FLOT2: variants seen among roughly 807,000 people sequenced by gnomAD.
FLOT2 encodes the protein flotillin-2.
FLOT2 carries 35 observed loss-of-function variants against 54.9 expected under a neutral mutation model. That is an observed-to-expected ratio of 0.64 (90% CI 0.49 to 0.84). The LOEUF (loss-of-function observed/expected upper bound fraction) is 0.84. FLOT2 is among the 40% of genes least tolerant of loss of function. The pLI, the probability that FLOT2 is intolerant of heterozygous loss-of-function variation, is 0.00. For missense variants in FLOT2, 464 were observed against 572.1 expected, an observed-to-expected ratio of 0.81 and a Z score of 1.93; for synonymous variants, 207 against 228.9, an observed-to-expected ratio of 0.90 and a Z score of 0.86.
Position 28,884,424 on chromosome 17 carries a change from G to T in FLOT2, c.132-109C>A. The T allele has an allele frequency of 1.5e-6, 1 of 678,774 alleles. No homozygotes were observed. The allele number at this position is 678,774 out of a possible 1,614,324, so 42.0% of individuals were successfully genotyped here. ...CCGGCTGGGTCCTGGTGAGGAAGGT[G>T]GAGGGAGGACTCTCCACGGGGCTGA... On this transcript the variant is annotated intron_variant, in intron 2 of 10. Coordinates refer to ENST00000394908, the MANE Select transcript of FLOT2 (RefSeq NM_004475.3). This position sits in a 1 kb window ranked among gnomAD's most constrained non-coding sequence, Gnocchi z 5.1.
At chr17:28,889,852 C>G (rs2039614769) in intron 1 of FLOT2, among the ~76,000 whole-genome samples, 1 of 152,080 alleles carries the variant, frequency 6.6e-6, no homozygotes, top group Non-Finnish European at 1.5e-5. Context: ...GTTGGCCAGG[C>G]TGGTCTCGAA....
intron 2 of FLOT2, among the ~76,000 whole-genome samples, 185 bp downstream of exon 2, chr17:28,888,760 C>A (rs2039592317): frequency 6.6e-6 from 1 of 152,182 alleles, no homozygotes; most frequent in African/African-American, 2.4e-5. Context: ...GTCTCCTGCA[C>A]CCCTGTGCAA....
At chr17:28,880,915 C>A in intron 9 of FLOT2, 53 bp from the exon 10 acceptor site, 1 of 1,601,186 alleles carries the variant, frequency 6.2e-7, no homozygotes. Flanking sequence ...CTGTTCTCAG[C>A]CCGGTCCAGC....
rs2039410560 is a variant in FLOT2 at position 28,879,346 on chromosome 17, T to TA, written c.*1214dup. On this transcript the variant is annotated 3_prime_UTR_variant, in exon 11 of 11. Coordinates refer to ENST00000394908, the MANE Select transcript of FLOT2 (RefSeq NM_004475.3). ...GAAGACACAATGCAGGGGTGGGCAT[T>TA]AAGAGTTCTTTATTTTACCAGAAGG... 2 of 987,858 alleles carry TA rather than the reference T, an allele frequency of 2.0e-6. No homozygotes were observed. The highest frequency in any genetic ancestry group is 9.4e-5 in the South Asian group (2 of 21,376). 61.2% of individuals were successfully genotyped at this position (987,858 alleles called of 1,614,324 possible).
Position 28,883,074 on chromosome 17 carries a change from C to G in FLOT2, c.346+34G>C. The G allele has an allele frequency of 1.9e-6, 3 of 1,610,880 alleles. No homozygotes were observed. Among genetic ancestry groups the G allele is most frequent in the Non-Finnish European group, 2.5e-6 (3 of 1,177,586 alleles). ...CCTCCCTGCCTTGGCTTAGGGGCCCCGTGAGGCTCCTCAAAGGCTGAACAG... is the reference window on the plus strand; with the variant it reads ...CCTCCCTGCCTTGGCTTAGGGGCCCGGTGAGGCTCCTCAAAGGCTGAACAG... On this transcript the variant is annotated intron_variant, in intron 4 of 10. Transcript: ENST00000394908. This position sits in a 1 kb window ranked among gnomAD's most constrained non-coding sequence, Gnocchi z 5.0.
chr17:28,880,667 C>G (rs371925989), intron 10 of FLOT2, 46 bp downstream of exon 10: 1 of 1,613,746 alleles, frequency 6.2e-7, no homozygotes, highest in South Asian at 1.1e-5. Flanking sequence ...TGGGCCAGTC[C>G]GACGGGCTAC....
In FLOT2 at chr17:28,883,365, A is replaced by C; in HGVS notation, c.223-134T>G. Reference sequence around the variant, plus strand: ...AGACCTGGAGGCCCTGGGGGGCTGGAATCTGTCTGAAGCCTCTAGTGGGGA... The same window carrying C: ...AGACCTGGAGGCCCTGGGGGGCTGGCATCTGTCTGAAGCCTCTAGTGGGGA... On this transcript the variant is annotated intron_variant, in intron 3 of 10. Transcript: ENST00000394908. The surrounding 1 kb of genome is among the most constrained non-coding windows in gnomAD (Gnocchi z 5.0). 1 of 1,078,218 alleles carries C rather than the reference A, an allele frequency of 9.3e-7. No homozygotes were observed. The highest frequency in any genetic ancestry group is 1.4e-6 in the Non-Finnish European group (1 of 735,744). The allele number at this position is 1,078,218 out of a possible 1,614,324, so 66.8% of individuals were successfully genotyped here. A position where few individuals can be genotyped will look rare whatever the true frequency, so the allele number is the denominator to read the frequency against.
At position 28,880,525 on chromosome 17, in the gene FLOT2, C is replaced by CGGGT; in HGVS notation, c.*32_*35dup. 6.2e-7 allele frequency: 1 copy of CGGGT among 1,606,922 alleles called. No homozygotes were observed. The highest frequency in any genetic ancestry group is 1.1e-5 in the South Asian group (1 of 90,264). On this transcript the variant is annotated 3_prime_UTR_variant, in exon 11 of 11. Transcript: ENST00000394908. ...TTAAAACGGGTGCTGGAGGGAGGGCCGGGTGGCTGCTGAAGAGAGTGGGCC... is the reference window on the plus strand; with the variant it reads ...TTAAAACGGGTGCTGGAGGGAGGGCCGGGTGGGTGGCTGCTGAAGAGAGTGGGCC...
Position 28,897,676 on chromosome 17 carries a change from GCCGGCC to G in FLOT2, c.-108_-103del. 9.2e-7 allele frequency: 1 copy of G among 1,085,524 alleles called. No homozygotes were observed. The highest frequency in any genetic ancestry group is 1.2e-6 in the Non-Finnish European group (1 of 840,214). The allele number at this position is 1,085,524 out of a possible 1,614,324, so 67.2% of individuals were successfully genotyped here. ...CCAGCCTATCCCGCCACCCCCAGCG[GCCGGCC>G]GCCCGCTCGCTCGCCCGCGCCCCTC... On this transcript the variant is annotated 5_prime_UTR_variant, in exon 1 of 11. Coordinates refer to ENST00000394908, the MANE Select transcript of FLOT2 (RefSeq NM_004475.3). The surrounding 1 kb of genome is among the most constrained non-coding windows in gnomAD (Gnocchi z 4.4).
At position 28,880,839 on chromosome 17, in the gene FLOT2, T is replaced by A. The variant is rs773242424; in HGVS notation, c.1122A>T (p.Pro374=). The change falls in exon 10 of 11, where the codon CCA becomes CCT. Residue 374 remains proline (P), a synonymous_variant. Coordinates refer to ENST00000394908, the MANE Select transcript of FLOT2 (RefSeq NM_004475.3). ...CCACAATCTCATCGACCTTGGTAAG[T>A]GGGGCAGCGATTTTGGCAGCAATCT... ...LPQIAAKIAA[P]LTKVDEIVVL... The A allele has an allele frequency of 5.6e-6, 9 of 1,613,964 alleles. No homozygotes were observed. The South Asian group carries it at 9.9e-5, about 18-fold the overall frequency.
At chr17:28,896,403 G>A (rs561507897) in intron 1 of FLOT2, among the ~76,000 whole-genome samples, 1 of 152,286 alleles carries the variant, frequency 6.6e-6, no homozygotes, top group African/African-American at 2.4e-5. Flanking sequence ...GTCTTATGGA[G>A]GAGCAAGTCT....
intron 1 of FLOT2, among the ~76,000 whole-genome samples, chr17:28,892,105 A>C (rs1021878164): frequency 5.3e-5 from 8 of 152,114 alleles, no homozygotes; most frequent in African/African-American, 1.9e-4. Context: ...GGCTTCTCTG[A>C]CCTGGGAAGT....
At position 28,897,545 on chromosome 17, in the gene FLOT2, G is replaced by A. The variant is rs1412933817; in HGVS notation, c.30C>T (p.Asn10=). The change falls in exon 1 of 11, where the codon AAC becomes AAT. Residue 10 remains asparagine (N), a synonymous_variant. Coordinates refer to ENST00000394908, the MANE Select transcript of FLOT2 (RefSeq NM_004475.3). This position sits in a 1 kb window ranked among gnomAD's most constrained non-coding sequence, Gnocchi z 4.4. ...CCTCACCTGAAACCACCAGCGCCTC[G>A]TTGGGCCCCACCGTGTGGCAATTGC... is the stretch of plus-strand genomic sequence containing the variant. The part of the protein sequence containing the change: MGNCHTVGP[N]EALVVSGGCC... 6 of 1,605,800 alleles carry A rather than the reference G, an allele frequency of 3.7e-6. No homozygotes were observed. Among genetic ancestry groups the A allele is most frequent in the Non-Finnish European group, 5.1e-6 (6 of 1,176,576 alleles).
rs774357270 is a variant in FLOT2 at position 28,883,183 on chromosome 17, A to G, written c.271T>C (p.Phe91Leu). The G allele has an allele frequency of 1.9e-6, 3 of 1,613,858 alleles. No homozygotes were observed. The highest frequency in any genetic ancestry group is 3.3e-5 in the Admixed American group (2 of 59,988). Reference protein sequence around the residue: ...KELLAVACEQFLGKNVQDIKN... With the variant: ...KELLAVACEQLLGKNVQDIKN... ...ATGTCCTGCACATTCTTACCCAGAA[A>G]CTGCTCACAAGCCACGGCCAGGAGT... Residue 91 changes from phenylalanine to leucine, a missense_variant, in exon 4 of 11, where the codon TTT (phenylalanine) becomes CTT (leucine). By Grantham distance (22) the Phe-to-Leu change is conservative (BLOSUM62 0). Coordinates refer to ENST00000394908, the MANE Select transcript of FLOT2 (RefSeq NM_004475.3). This position sits in a 1 kb window ranked among gnomAD's most constrained non-coding sequence, Gnocchi z 5.0.
Position 28,884,270 on chromosome 17 carries a change from T to G in FLOT2, c.177A>C (p.Val59=), listed in dbSNP as rs778012620. ...TTAAAGCTACCCCCTCGGCCGTCTC[T>G]ACGTCCTCGCAGCGGGGCTGCAACG... ...IMTLQPRCED[V]ETAEGVALTV... The change falls in exon 3 of 11, where the codon GTA becomes GTC. Residue 59 remains valine (V), a synonymous_variant. Coordinates refer to ENST00000394908, the MANE Select transcript of FLOT2 (RefSeq NM_004475.3). This position sits in a 1 kb window ranked among gnomAD's most constrained non-coding sequence, Gnocchi z 5.1. 1.2e-6 allele frequency: 2 copies of G among 1,613,558 alleles called. No individual in the cohort carries two copies. Among genetic ancestry groups the G allele is most frequent in the Non-Finnish European group, 1.7e-6 (2 of 1,179,756 alleles).
In FLOT2 at chr17:28,883,282, A is replaced by T; in HGVS notation, c.223-51T>A. On this transcript the variant is annotated intron_variant, in intron 3 of 10. Coordinates refer to ENST00000394908, the MANE Select transcript of FLOT2 (RefSeq NM_004475.3). The surrounding 1 kb of genome is among the most constrained non-coding windows in gnomAD (Gnocchi z 5.0). The stretch of plus-strand genomic sequence containing the variant: ...AGCTAGGCTGGAGCGAGGCAGACAA[A>T]GGCCCCAGACCCAGAGGTAGGCAGG... 1 of 1,610,580 alleles carries T rather than the reference A, an allele frequency of 6.2e-7. No homozygotes were observed. Among genetic ancestry groups the T allele is most frequent in the Non-Finnish European group, 8.5e-7 (1 of 1,178,558 alleles).
chr17:28,879,977 T>A lies in FLOT2; in HGVS notation c.*584A>T, dbSNP rs1375197081. The stretch of plus-strand genomic sequence containing the variant: ...AGCGCTGGCTGGGGCCTTGGGTGGA[T>A]GAGGGGAAGGACAGTGTCTCTGGGC... On this transcript the variant is annotated 3_prime_UTR_variant, in exon 11 of 11. Transcript: ENST00000394908. 1.0e-6 allele frequency: 1 copy of A among 987,070 alleles called. No homozygotes were observed. The highest frequency in any genetic ancestry group is 6.1e-5 in the Admixed American group (1 of 16,438). 61.1% of individuals were successfully genotyped at this position (987,070 alleles called of 1,614,324 possible).
chr17:28,880,462 G>A lies in FLOT2; in HGVS notation c.*99C>T. ...AGCACTTCTGGTCCCTTCGAGATAA[G>A]GCACCAGAGTCAGTAACGTTCCCGT... On this transcript the variant is annotated 3_prime_UTR_variant, in exon 11 of 11. Transcript: ENST00000394908. 1.9e-6 allele frequency: 3 copies of A among 1,543,048 alleles called. No homozygotes were observed. The highest frequency in any genetic ancestry group is 2.6e-6 in the Non-Finnish European group (3 of 1,144,596).
At position 28,880,595 on chromosome 17, in the gene FLOT2, G is replaced by T. The variant is rs77888293; in HGVS notation, c.1253C>A (p.Pro418His). The T allele has an allele frequency of 6.2e-7, 1 of 1,614,108 alleles. No homozygotes were observed. The highest frequency in any genetic ancestry group is 1.3e-5 in the African/African-American group (1 of 75,050). ...CACACCAGTGGCCTTCTTGATCAGG[G>T]GTATCTGCAAGGATGGGAGATGCCA... ...ALTGVDLSKI[P>H]LIKKATGVQV Residue 418 changes from proline to histidine, a missense_variant, in exon 11 of 11, where the codon CCC becomes CAC. Pro to His is a moderately conservative substitution (Grantham distance 77, BLOSUM62 -2). Coordinates refer to ENST00000394908, the MANE Select transcript of FLOT2 (RefSeq NM_004475.3).
Sources: gnomAD v4.1 joint callset for allele counts (sites outside exome capture counted in the v4.1 genomes callset) on GRCh38, gnomAD v4.1.1 for gene constraint, Gnocchi (gnomAD v3.1) non-coding constraint, MANE v1.5 for transcripts, NCBI Gene and HGNC (gene_info 2026-07-23, HGNC 2026-07-21) for gene names.